Variants in TOX3 observed in about 807,000 individuals in gnomAD.
The protein encoded by TOX3 is CAG trinucleotide repeat-containing gene F9 protein.
Under a neutral mutation model 64.3 loss-of-function variants are expected in TOX3, and 22 were observed. That is an observed-to-expected ratio of 0.34 (90% CI 0.24 to 0.49). TOX3 has a LOEUF of 0.49. TOX3 is among the 20% of genes least tolerant of loss of function. The pLI, the probability that TOX3 is intolerant of heterozygous loss-of-function variation, is 0.99. For synonymous variants in TOX3, 291 were observed against 273.6 expected (o/e 1.06, Z -0.63); for missense variants, 661 against 714.4 (o/e 0.93, Z 0.85).
chr16:52,545,008 G>T (rs983891107), intron 1 of TOX3, among the ~76,000 whole-genome samples: 13 of 152,310 alleles, frequency 8.5e-5, no homozygotes, highest in African/African-American at 3.1e-4. Context: ...ATGCTAAGTT[G>T]TAAGGAGATA....
At chr16:52,537,079 C>T (rs1018628592) in intron 1 of TOX3, among the ~76,000 whole-genome samples, 6 of 152,084 alleles carry the variant, frequency 3.9e-5, no homozygotes, top group African/African-American at 1.2e-4. Context: ...TCTCTAATCT[C>T]TTCTTCAAAC....
intron 1 of TOX3, among the ~76,000 whole-genome samples, chr16:52,521,426 C>T (rs887201074): frequency 1.3e-5 from 2 of 151,648 alleles, no homozygotes; most frequent in Non-Finnish European, 1.5e-5. Flanking sequence ...TGGAAACATA[C>T]AAGGGTTGTA....
At chr16:52,449,329 C>A (rs1185385933) in intron 4 of TOX3, among the ~76,000 whole-genome samples, 1 of 152,164 alleles carries the variant, frequency 6.6e-6, no homozygotes, top group Admixed American at 6.5e-5. Context: ...TCACTATACC[C>A]ATAAATAGCA....
At position 52,493,451 on chromosome 16, in the gene TOX3, T is replaced by C. The variant is rs993455947; in HGVS notation, c.88-24877A>G. 3.9e-5 allele frequency among the ~76,000 whole-genome samples: 6 copies of C among 152,246 alleles called. No individual in the cohort carries two copies. The East Asian group carries it at 1.2e-3, about 29-fold the overall frequency. ...TGAATTCCCAGGAGAGGTTAAAAAA[T>C]AAATGTATATATAAACTACAAGGTG... On this transcript the variant is annotated intron_variant, in intron 1 of 6. Coordinates refer to ENST00000219746, the MANE Select transcript of TOX3 (RefSeq NM_001080430.4).
At chr16:52,496,967 A>G (rs1421321167) in intron 1 of TOX3, among the ~76,000 whole-genome samples, 6 of 152,186 alleles carry the variant, frequency 3.9e-5, no homozygotes, top group Non-Finnish European at 8.8e-5. Flanking sequence ...CAATCAAATT[A>G]TCTTGCCCCT....
intron 1 of TOX3, among the ~76,000 whole-genome samples, chr16:52,471,761 C>A (rs1367359813): frequency 6.6e-6 from 1 of 152,172 alleles, no homozygotes; most frequent in African/African-American, 2.4e-5. Flanking sequence ...CCTCTACATA[C>A]TTTATTTCAT....
intron 1 of TOX3, among the ~76,000 whole-genome samples, chr16:52,523,056 T>A (rs1228273232): frequency 6.6e-6 from 1 of 152,106 alleles, no homozygotes; most frequent in Non-Finnish European, 1.5e-5. Context: ...GAATGTTGAA[T>A]GGTAGTAAGT....
intron 1 of TOX3, among the ~76,000 whole-genome samples, chr16:52,536,627 CTATATATATATATATATATATA>C (rs57164139): frequency 0.038 from 1,290 of 34,280 alleles, 91 homozygotes; most frequent in African/African-American, 0.1. Context: ...TAGATATACA[CTATATATATATATATATATATA>C]TATATATATA....
intron 1 of TOX3, among the ~76,000 whole-genome samples, chr16:52,501,203 C>A (rs915054296): frequency 2.6e-5 from 4 of 152,140 alleles, no homozygotes; most frequent in Non-Finnish European, 5.9e-5. Context: ...GACAAACAGG[C>A]CTCCAAGTCT....
intron 1 of TOX3, among the ~76,000 whole-genome samples, chr16:52,527,838 A>G (rs1962757282): frequency 6.6e-6 from 1 of 152,182 alleles, no homozygotes; most frequent in African/African-American, 2.4e-5. Context: ...AGTTTTCGAA[A>G]ATATTCTTCT....
At chr16:52,520,740 T>A (rs768594550) in intron 1 of TOX3, among the ~76,000 whole-genome samples, 7 of 152,142 alleles carry the variant, frequency 4.6e-5, no homozygotes, top group Non-Finnish European at 8.8e-5. Flanking sequence ...CACATAAAGA[T>A]AAATACAGGA....
At chr16:52,441,031 T>G (rs537903057) in intron 6 of TOX3, among the ~76,000 whole-genome samples, 40 of 152,188 alleles carry the variant, frequency 2.6e-4, no homozygotes, top group Non-Finnish European at 5.0e-4. Context: ...CAAAGTGCTG[T>G]GATTACAGGC....
intron 1 of TOX3, among the ~76,000 whole-genome samples, chr16:52,518,339 A>G (rs748779629): frequency 2.0e-5 from 3 of 152,212 alleles, no homozygotes; most frequent in Non-Finnish European, 4.4e-5. Context: ...AGCTGTATAA[A>G]TTTGATCCTG....
At chr16:52,492,890 C>T (rs1961733740) in intron 1 of TOX3, among the ~76,000 whole-genome samples, 1 of 142,014 alleles carries the variant, frequency 7.0e-6, no homozygotes, top group Non-Finnish European at 1.6e-5. Context: ...GATCAGAAAA[C>T]CCAACTGCAA....
chr16:52,527,578 G>T (rs1236719033), intron 1 of TOX3, among the ~76,000 whole-genome samples: 1 of 152,194 alleles, frequency 6.6e-6, no homozygotes, highest in East Asian at 1.9e-4. Context: ...GATGGAAAAA[G>T]AAAACATCTG....
chr16:52,467,657 T>G (rs935190851), intron 2 of TOX3, among the ~76,000 whole-genome samples: 2 of 152,218 alleles, frequency 1.3e-5, no homozygotes, highest in African/African-American at 4.8e-5. Flanking sequence ...TGTTTGTTCT[T>G]GTTCTAAAAT....
At chr16:52,474,035 C>G (rs1961133470) in intron 1 of TOX3, among the ~76,000 whole-genome samples, 2 of 152,186 alleles carry the variant, frequency 1.3e-5, no homozygotes, top group Admixed American at 1.3e-4. Flanking sequence ...ATCCAACGGT[C>G]TACAGCCCTT....
intron 2 of TOX3, among the ~76,000 whole-genome samples, chr16:52,464,789 C>T (rs990764048): frequency 2.0e-5 from 3 of 151,954 alleles, no homozygotes; most frequent in South Asian, 2.1e-4. Flanking sequence ...TTAAAAGATG[C>T]CAGCGCTTTT....
Position 52,439,878 on chromosome 16 carries a change from T to C in TOX3, c.1078A>G (p.Thr360Ala). 1 of 1,613,330 alleles carries C rather than the reference T, an allele frequency of 6.2e-7. No homozygotes were observed. Among genetic ancestry groups the C allele is most frequent in the Non-Finnish European group, 8.5e-7 (1 of 1,179,718 alleles). ...ACTGTTCCATGTTGAGACAGTGGAGTGTTGAGAAGGAGAGAGGATGTTAGA... is the reference window on the plus strand; with the variant it reads ...ACTGTTCCATGTTGAGACAGTGGAGCGTTGAGAAGGAGAGAGGATGTTAGA... ...TNLTSSLLLN[T>A]PLSQHGTVSA... Residue 360 changes from threonine to alanine, a missense_variant, in exon 7 of 7, where the codon ACT (threonine) becomes GCT (alanine). Transcript: ENST00000219746.
Sources: gnomAD v4.1 joint callset for allele counts (sites outside exome capture counted in the v4.1 genomes callset) on GRCh38, gnomAD v4.1.1 for gene constraint, MANE v1.5 for transcripts, NCBI Gene and HGNC (gene_info 2026-07-23, HGNC 2026-07-21) for gene names.